The following ITGAM variants were observed in gnomAD, a reference collection of about 807,000 sequenced individuals.
ITGAM encodes integrin subunit alpha M, also known as integrin alpha-M.
Under a neutral mutation model 137.5 loss-of-function variants are expected in ITGAM, and 79 were observed. The observed-to-expected ratio is 0.57, with a 90% confidence interval of 0.48 to 0.69. The LOEUF (loss-of-function observed/expected upper bound fraction) is 0.69, where lower values mean the gene tolerates loss of function less well. Ranked by LOEUF, ITGAM falls within the 30% of genes least tolerant of loss-of-function variation. The pLI, the probability that ITGAM is intolerant of heterozygous loss-of-function variation, is 0.00. For missense variants in ITGAM, 1,343 were observed against 1,483.5 expected, an observed-to-expected ratio of 0.91 and a Z score of 1.56; for synonymous variants, 583 against 592.3, an observed-to-expected ratio of 0.98 and a Z score of 0.23.
intron 14 of ITGAM, among the ~76,000 whole-genome samples, chr16:31,302,484 T>TTTCTTTCTTTCTTTCTTTCTTTC (rs374736924): frequency 1.0e-5 from 1 of 98,360 alleles, no homozygotes; most frequent in Non-Finnish European, 1.9e-5. Context: ...TCTTTCTTTC[T>TTTCTTTCTTTCTTTCTTTCTTTC]TTTTTCTTTC....
intron 14 of ITGAM, among the ~76,000 whole-genome samples, chr16:31,298,683 C>T (rs769550681): frequency 6.6e-5 from 10 of 152,196 alleles, no homozygotes; most frequent in Non-Finnish European, 1.2e-4. Context: ...GGCCACCTTA[C>T]GGGATTGCAC....
intron 14 of ITGAM, among the ~76,000 whole-genome samples, chr16:31,299,844 T>TCTCCTC (rs148409269): frequency 9.1e-5 from 10 of 110,240 alleles, no homozygotes; most frequent in African/African-American, 1.7e-4. Flanking sequence ...GTCGTCCTCC[T>TCTCCTC]CTCCTCCTCC....
chr16:31,272,422 ACTATATATAT>A (rs1336397975), intron 7 of ITGAM, among the ~76,000 whole-genome samples: 1,190 of 48,906 alleles, frequency 0.024, 36 homozygotes, highest in Middle Eastern at 0.054. Context: ...AGGCCAATTA[ACTATATATAT>A]ATATATATAT....
chr16:31,299,084 AT>A (rs935619227), intron 14 of ITGAM, among the ~76,000 whole-genome samples: 2 of 152,066 alleles, frequency 1.3e-5, no homozygotes, highest in Non-Finnish European at 2.9e-5. Flanking sequence ...ATGTTTAAAA[AT>A]TTTTTTATTG....
At chr16:31,331,125 C>G in intron 28 of ITGAM, 40 bp from the exon 29 acceptor site, 2 of 1,069,250 alleles carry the variant, frequency 1.9e-6, no homozygotes, top group Non-Finnish European at 2.9e-6. Flanking sequence ...CCCCAGAAAT[C>G]CAGAGTCGTC....
intron 12 of ITGAM, among the ~76,000 whole-genome samples, chr16:31,279,129 G>A (rs181016018): frequency 2.9e-3 from 442 of 152,234 alleles, no homozygotes; most frequent in African/African-American, 0.01. Context: ...TCTTAATCCA[G>A]TCTATCGTTG....
At chr16:31,327,680 C>T (rs980684670) in intron 22 of ITGAM, among the ~76,000 whole-genome samples, 5 of 151,882 alleles carry the variant, frequency 3.3e-5, no homozygotes, top group East Asian at 1.9e-4. Context: ...GAACTGAGGG[C>T]GGGCATGAAG....
intron 14 of ITGAM, among the ~76,000 whole-genome samples, chr16:31,301,159 C>T (rs1212276940): frequency 6.6e-6 from 1 of 152,192 alleles, no homozygotes; most frequent in East Asian, 1.9e-4. Context: ...GCTCAAACCA[C>T]CATCTTTCCA....
intron 16 of ITGAM, among the ~76,000 whole-genome samples, chr16:31,323,288 G>T (rs1472110207): frequency 2.0e-5 from 3 of 151,960 alleles, no homozygotes; most frequent in African/African-American, 7.2e-5. Flanking sequence ...AAAATTAGCA[G>T]GTGTGGTGGT....
chr16:31,327,377 A>G (rs2080518866), intron 22 of ITGAM, among the ~76,000 whole-genome samples: 1 of 151,724 alleles, frequency 6.6e-6, no homozygotes. Flanking sequence ...GCTCGAACCC[A>G]GGAGTTCAAA....
In ITGAM at chr16:31,302,421, T is replaced by TTTC. The variant is rs1431885810; in HGVS notation, c.1707+4470_1707+4472dup. Among the ~76,000 whole-genome samples, 282 of 139,712 alleles carry TTTC rather than the reference T, an allele frequency of 2.0e-3. 2 individuals carry two copies. Among genetic ancestry groups the TTTC allele is most frequent in the Middle Eastern group, 3.4e-3 (1 of 292 alleles). The allele number at this position is 139,712 out of a possible 152,430, so 91.7% of individuals were successfully genotyped here. A position where few individuals can be genotyped will look rare whatever the true frequency, so the allele number is the denominator to read the frequency against. On this transcript the variant is annotated intron_variant, in intron 14 of 29. Transcript: ENST00000544665. ...TTTTCTTTTCTTTTTTCTTTCTTTC[T>TTTC]TTCTTTCTTCTTTCTTTCTTTCTTT...
chr16:31,266,416 C>T (rs1265476205), intron 5 of ITGAM, among the ~76,000 whole-genome samples: 1 of 71,342 alleles, frequency 1.4e-5, no homozygotes, highest in Non-Finnish European at 2.5e-5. Context: ...GATCCTGTCT[C>T]TAAAAAAAAA....
chr16:31,277,082 G>A, intron 11 of ITGAM, 33 bp downstream of exon 11: 1 of 1,581,590 alleles, frequency 6.3e-7, no homozygotes, highest in Non-Finnish European at 8.6e-7. Flanking sequence ...ACTCTAAGAA[G>A]GGGTGAGGAT....
intron 14 of ITGAM, among the ~76,000 whole-genome samples, chr16:31,299,261 C>A (rs1403035393): frequency 1.3e-5 from 2 of 152,056 alleles, no homozygotes; most frequent in Admixed American, 6.6e-5. Context: ...GTTCTCTAGC[C>A]TCTGGCAGCC....
chr16:31,262,370 TCC>T (rs2079713683), intron 2 of ITGAM, among the ~76,000 whole-genome samples: 2 of 141,920 alleles, frequency 1.4e-5, no homozygotes, highest in South Asian at 4.8e-4. Context: ...CTTCCTTCCT[TCC>T]TTCCTTCCTT....
intron 14 of ITGAM, among the ~76,000 whole-genome samples, chr16:31,314,785 G>A (rs964484365): frequency 2.9e-4 from 44 of 151,462 alleles, no homozygotes; most frequent in Admixed American, 1.2e-3. Context: ...TACAGCAAAC[G>A]GTTAGGCTGT....
chr16:31,331,593 T>A, intron 29 of ITGAM, 43 bp from the exon 30 acceptor site: 6 of 1,056,472 alleles, frequency 5.7e-6, no homozygotes, highest in South Asian at 1.3e-5. Flanking sequence ...AGCCGCACGC[T>A]CCCTGGCTGC....
At chr16:31,328,991 T>C (rs1286745062) in intron 23 of ITGAM, 2 of 599,234 alleles carry the variant, frequency 3.3e-6, no homozygotes, top group African/African-American at 1.9e-5. Context: ...TGCATGTGTG[T>C]ATGTGCTCAT....
intron 8 of ITGAM, among the ~76,000 whole-genome samples, chr16:31,275,042 A>G (rs775827752): frequency 7.7e-4 from 118 of 152,316 alleles, no homozygotes; most frequent in Admixed American, 2.3e-3. Context: ...ACAATGGGCT[A>G]AAGCAAGACT....
Sources: allele counts gnomAD v4.1 joint callset (sites outside exome capture counted in the v4.1 genomes callset), GRCh38; gene constraint gnomAD v4.1.1; transcripts MANE v1.5; gene names NCBI Gene and HGNC (gene_info 2026-07-23, HGNC 2026-07-21).